Variants in CYP7A1 observed in about 807,000 individuals in gnomAD.
CYP7A1 encodes the protein cytochrome P450 family 7 subfamily A member 1.
CYP7A1 carries 28 observed loss-of-function variants against 43.8 expected under a neutral mutation model. That is an observed-to-expected ratio of 0.64 (90% confidence interval 0.47 to 0.88). The LOEUF (loss-of-function observed/expected upper bound fraction) is 0.88. Among genes scored for constraint, CYP7A1 ranks in the 40% least tolerant of loss-of-function variants. The probability of loss-of-function intolerance (pLI) is 0.00; values close to 1 mark genes in which losing one functional copy is unlikely to be tolerated. For synonymous variants in CYP7A1, 227 were observed against 222.5 expected (o/e 1.02, Z -0.18); for missense variants, 637 against 611.9 (o/e 1.04, Z -0.43).
chr8:58,491,095 G>A lies in CYP7A1; in HGVS notation c.*380C>T, dbSNP rs780769821. 3 of 210,764 alleles carry A rather than the reference G, an allele frequency of 1.4e-5. No homozygotes were observed. The highest frequency in any genetic ancestry group is 1.0e-4 in the Admixed American group (2 of 19,184). The allele number at this position is 210,764 out of a possible 1,614,324, so 13.1% of individuals were successfully genotyped here. A position where few individuals can be genotyped will look rare whatever the true frequency, so the allele number is the denominator to read the frequency against. On this transcript the variant is annotated 3_prime_UTR_variant, in exon 6 of 6. Coordinates refer to ENST00000301645, the MANE Select transcript of CYP7A1 (RefSeq NM_000780.4). The stretch of plus-strand genomic sequence containing the variant: ...AGCCATCCTCCTTCTTTGGCCTCTC[G>A]AGTAGCTAAGACTACAGGTGCCTGC...
intron 2 of CYP7A1, 75 bp downstream of exon 2, chr8:58,498,154 C>G: frequency 6.4e-7 from 1 of 1,560,408 alleles, no homozygotes; most frequent in South Asian, 1.1e-5. Flanking sequence ...CTAAGTACAT[C>G]AAAATTTCTA....
rs1809333304 is a variant in CYP7A1, at chr8:58,490,502, C to A, written c.*973G>T. On this transcript the variant is annotated 3_prime_UTR_variant, in exon 6 of 6. Coordinates refer to ENST00000301645, the MANE Select transcript of CYP7A1 (RefSeq NM_000780.4). ...TTTCATAACCAAAGCTTCCAAATGG[C>A]TATTTCCATCCAGTTTTAACTTTAA... is the stretch of plus-strand genomic sequence containing the variant. 6.6e-6 allele frequency: 1 copy of A among 152,176 alleles called. No homozygotes were observed. The highest frequency in any genetic ancestry group is 2.4e-5 in the African/African-American group (1 of 41,452). 9.4% of individuals were successfully genotyped at this position (152,176 alleles called of 1,614,324 possible). A position where few individuals can be genotyped will look rare whatever the true frequency, so the allele number is the denominator to read the frequency against.
intron 3 of CYP7A1, 31 bp downstream of exon 3, chr8:58,496,573 A>T: frequency 6.5e-7 from 1 of 1,539,512 alleles, no homozygotes; most frequent in Non-Finnish European, 8.9e-7. Context: ...CTACTAAAAT[A>T]AAAAAAAGAA....
At chr8:58,494,437 T>A (rs895988054) in intron 4 of CYP7A1, 69 bp downstream of exon 4, 4 of 1,526,962 alleles carry the variant, frequency 2.6e-6, no homozygotes, top group Middle Eastern at 1.7e-4. Context: ...AGTATATAAT[T>A]TATGTTGGTC....
At chr8:58,499,940 A>G in intron 1 of CYP7A1, 79 bp downstream of exon 1, 1 of 1,203,834 alleles carries the variant, frequency 8.3e-7, no homozygotes, top group South Asian at 1.2e-5. Flanking sequence ...ATAGAAAACC[A>G]AATTTACTGT....
chr8:58,495,370 C>T (rs530495780), intron 3 of CYP7A1, among the ~76,000 whole-genome samples: 19 of 151,774 alleles, frequency 1.3e-4, no homozygotes, highest in African/African-American at 2.2e-4. Context: ...GGACTACAGG[C>T]GCCCGCCACC....
rs1457042 is a variant in CYP7A1 at position 58,498,073 on chromosome 8, C to T, written c.321+156G>A. On this transcript the variant is annotated intron_variant, in intron 2 of 5. Coordinates refer to ENST00000301645, the MANE Select transcript of CYP7A1 (RefSeq NM_000780.4). ...CTAAATGATTATTACTAAGAAGCTA[C>T]GTATAATTTATTTATGTTTCTAAGA... Among the ~76,000 whole-genome samples, 53,052 of 152,000 alleles carry T rather than the reference C, an allele frequency of 0.35. 9,821 individuals carry two copies. The highest frequency in any genetic ancestry group is 0.5 in the Admixed American group (7,707 of 15,282).
Position 58,491,441 on chromosome 8 carries a change from T to C in CYP7A1, c.*34A>G. ...GTGAGGGTGTTCTGCAGTCCTGTAA[T>C]ATCATCTAGTGTCCTCTTATTCCAG... On this transcript the variant is annotated 3_prime_UTR_variant, in exon 6 of 6. Coordinates refer to ENST00000301645, the MANE Select transcript of CYP7A1 (RefSeq NM_000780.4). 6.3e-7 allele frequency: 1 copy of C among 1,593,896 alleles called. No homozygotes were observed. Among genetic ancestry groups the C allele is most frequent in the Non-Finnish European group, 8.6e-7 (1 of 1,163,156 alleles).
Position 58,498,249 on chromosome 8 carries a change from G to A in CYP7A1, c.301C>T (p.His101Tyr). 2 of 1,614,074 alleles carry A rather than the reference G, an allele frequency of 1.2e-6. No homozygotes were observed. Among genetic ancestry groups the A allele is most frequent in the Non-Finnish European group, 8.5e-7 (1 of 1,179,988 alleles). ...HGKYFDWKKF[H>Y]FATSAKAFGH... Reference sequence around the variant, plus strand: ...CTTACCTTCGCAGAAGTAGCAAAGTGAAATTTTTTCCAATCAAAATATTTT... The same window carrying A: ...CTTACCTTCGCAGAAGTAGCAAAGTAAAATTTTTTCCAATCAAAATATTTT... Residue 101 changes from histidine to tyrosine, a missense_variant, in exon 2 of 6, where the codon CAC (histidine) becomes TAC (tyrosine). Coordinates refer to ENST00000301645, the MANE Select transcript of CYP7A1 (RefSeq NM_000780.4).
At position 58,497,087 on chromosome 8, in the gene CYP7A1, G is replaced by A. The variant is rs779007978; in HGVS notation, c.425C>T (p.Thr142Met). ...TLQGHALNSL[T>M]ESMMENLQRI... is the part of the protein sequence containing the mutation. ...TTGGAGGTTTTCCATCATGCTTTCCGTGAGGGAATTCAAGGCATGGCCCTG... is the reference window on the plus strand; with the variant it reads ...TTGGAGGTTTTCCATCATGCTTTCCATGAGGGAATTCAAGGCATGGCCCTG... Residue 142 changes from threonine (T) to methionine (M), a missense_variant, in exon 3 of 6, where the codon ACG becomes ATG. Physicochemically the swap from Thr to Met is moderately conservative, Grantham distance 81. Coordinates refer to ENST00000301645, the MANE Select transcript of CYP7A1 (RefSeq NM_000780.4). The A allele has an allele frequency of 5.6e-6, 9 of 1,601,548 alleles. No homozygotes were observed. Among genetic ancestry groups the A allele is most frequent in the Admixed American group, 1.7e-5 (1 of 60,022 alleles).
At chr8:58,494,467 G>C in intron 4 of CYP7A1, 39 bp downstream of exon 4, 4 of 1,601,876 alleles carry the variant, frequency 2.5e-6, no homozygotes, top group Non-Finnish European at 3.4e-6. Flanking sequence ...AAAGTAGTAG[G>C]ACATAGAAAA....
Position 58,491,419 on chromosome 8 carries a change from A to G in CYP7A1, c.*56T>C. ...ATTTGTCCAAAGGGACTGTGTGGTG[A>G]GGGTGTTCTGCAGTCCTGTAATATC... On this transcript the variant is annotated 3_prime_UTR_variant, in exon 6 of 6. Coordinates refer to ENST00000301645, the MANE Select transcript of CYP7A1 (RefSeq NM_000780.4). 2.0e-6 allele frequency: 3 copies of G among 1,475,428 alleles called. No individual in the cohort carries two copies. The allele number at this position is 1,475,428 out of a possible 1,614,324, so 91.4% of individuals were successfully genotyped here. A position where few individuals can be genotyped will look rare whatever the true frequency, so the allele number is the denominator to read the frequency against.
In CYP7A1 at chr8:58,491,521, G is replaced by C. The variant is rs148977608; in HGVS notation, c.1469C>G (p.Pro490Arg). Reference protein sequence around the residue: ...DQSRAGLGILPPLNDIEFKYK... With the variant: ...DQSRAGLGILRPLNDIEFKYK... ...TTTAAATTCAATATCATTCAATGGC[G>C]GCAAAATGCCCAAGCCTGCCCGGGA... The change falls in exon 6 of 6, where the codon CCG (proline) becomes CGG (arginine). Residue 490 changes from proline to arginine, a missense_variant. By Grantham distance (103) the Pro-to-Arg change is moderately radical. Coordinates refer to ENST00000301645, the MANE Select transcript of CYP7A1 (RefSeq NM_000780.4). 5.6e-6 allele frequency: 9 copies of C among 1,613,878 alleles called. No homozygotes were observed. The African/African-American group carries it at 9.3e-5, about 17-fold the overall frequency.
At chr8:58,497,774 T>C (rs866606227) in intron 2 of CYP7A1, among the ~76,000 whole-genome samples, 5 of 152,198 alleles carry the variant, frequency 3.3e-5, no homozygotes, top group African/African-American at 7.2e-5. Context: ...TGGTTTTTTT[T>C]CTCAGTAACA....
In CYP7A1 at chr8:58,490,323, G is replaced by A. The variant is rs769052834; in HGVS notation, c.*1152C>T. 22 of 152,072 alleles carry A rather than the reference G, an allele frequency of 1.4e-4. No homozygotes were observed. The highest frequency in any genetic ancestry group is 3.1e-4 in the Non-Finnish European group (21 of 68,014). The allele number at this position is 152,072 out of a possible 1,614,324, so 9.4% of individuals were successfully genotyped here. On this transcript the variant is annotated 3_prime_UTR_variant, in exon 6 of 6. Transcript: ENST00000301645. ...CAGAAATATCAATTGACATAGAGCT[G>A]ATAACTCATACTTAAAATATTTTAT...
At chr8:58,497,332 A>G in intron 2 of CYP7A1, 142 bp from the exon 3 acceptor site, 2 of 745,474 alleles carry the variant, frequency 2.7e-6, no homozygotes, top group East Asian at 2.7e-5. Context: ...AGTTCATAGC[A>G]CTTTACAAAT....
Position 58,492,406 on chromosome 8 carries a change from C to T in CYP7A1, c.1162G>A (p.Ala388Thr), listed in dbSNP as rs749397517. The T allele has an allele frequency of 4.3e-6, 7 of 1,614,072 alleles. No homozygotes were observed. The Admixed American group carries it at 5.0e-5, about 12-fold the overall frequency. The change falls in exon 5 of 6, where the codon GCT becomes ACT. Residue 388 changes from alanine (A) to threonine (T), a missense_variant. Physicochemically the swap from Ala to Thr is moderately conservative, Grantham distance 58 (BLOSUM62 0). Transcript: ENST00000301645. ...SYNIRKDDIIALYPQLMHLDP... is the reference protein window; with the variant it reads ...SYNIRKDDIITLYPQLMHLDP... ...AAGTGCATTAACTGTGGGTAAAGAG[C>T]TATGATGTCATCTTTTCGGATGTTG...
rs369276545 is a variant in CYP7A1 at position 58,495,215 on chromosome 8, T to TTCTATTTATTTATTTATTTATTTATTTA, written c.909-580_909-579insTAAATAAATAAATAAATAAATAAATAGA. Among the ~76,000 whole-genome samples, 289 of 143,448 alleles carry TTCTATTTATTTATTTATTTATTTATTTA rather than the reference T, an allele frequency of 2.0e-3. 4 individuals carry two copies. Among genetic ancestry groups the TTCTATTTATTTATTTATTTATTTATTTA allele is most frequent in the Middle Eastern group, 7.3e-3 (2 of 274 alleles). The allele number at this position is 143,448 out of a possible 152,430, so 94.1% of individuals were successfully genotyped here. A position where few individuals can be genotyped will look rare whatever the true frequency, so the allele number is the denominator to read the frequency against. On this transcript the variant is annotated intron_variant, in intron 3 of 5. Coordinates refer to ENST00000301645, the MANE Select transcript of CYP7A1 (RefSeq NM_000780.4). ...ACTTTGGTGAGGGCTTTTATTTTAT[T>TTCTATTTATTTATTTATTTATTTATTTA]TTTATTTATTTATTTATTTATTTAT...
rs751553125 is a variant in CYP7A1 at position 58,498,320 on chromosome 8, T to A, written c.230A>T (p.His77Leu). The change falls in exon 2 of 6, where the codon CAT becomes CTT. Residue 77 changes from histidine (H) to leucine (L), a missense_variant. Transcript: ENST00000301645. ...GTATGACAAGGGATTTGTGATGAAA[T>A]GGACATATTTTCCCATTAGTTTGCA... ...FTCKLMGKYV[H>L]FITNPLSYHK... 14 of 1,614,038 alleles carry A rather than the reference T, an allele frequency of 8.7e-6. No homozygotes were observed. In the African/African-American group the frequency reaches 1.5e-4, roughly 17 times the overall value.
Sources: gnomAD v4.1 joint callset for allele counts (sites outside exome capture counted in the v4.1 genomes callset) on GRCh38, gnomAD v4.1.1 for gene constraint, MANE v1.5 for transcripts, NCBI Gene and HGNC (gene_info 2026-07-23, HGNC 2026-07-21) for gene names.